ADAMTSL3: variants seen among roughly 807,000 people sequenced by gnomAD.
ADAMTSL3 encodes ADAMTS-like protein 3.
Under a neutral mutation model 201.7 loss-of-function variants are expected in ADAMTSL3, and 128 were observed. The ratio of observed to expected loss-of-function variants is 0.63; its 90% CI spans 0.55 to 0.73. The LOEUF is 0.73. Among genes scored for constraint, ADAMTSL3 ranks in the 30% least tolerant of loss-of-function variants. ADAMTSL3 has a pLI of 0.00. For synonymous variants in ADAMTSL3, 738 were observed against 748.4 expected (o/e 0.99, Z 0.23); for missense variants, 1,990 against 2,119.6 (o/e 0.94, Z 1.20).
In ADAMTSL3 at chr15:84,025,348, C is replaced by A; in HGVS notation, c.4568C>A (p.Ser1523Tyr). Reference protein sequence around the residue: ...TKANGTVQVVSPRACAPKDRP... With the variant: ...TKANGTVQVVYPRACAPKDRP... ...GCCAATGGAACTGTGCAGGTGGTGT[C>A]TCCAAGAGCATGTGCCCCTAAAGAC... Residue 1523 changes from serine (S) to tyrosine (Y), a missense_variant, in exon 27 of 30, where the codon TCT becomes TAT. Coordinates refer to ENST00000286744, the MANE Select transcript of ADAMTSL3 (RefSeq NM_207517.3). 6.2e-7 allele frequency: 1 copy of A among 1,614,150 alleles called. No individual in the cohort carries two copies. The highest frequency in any genetic ancestry group is 8.5e-7 in the Non-Finnish European group (1 of 1,180,028).
rs2063021361 is a variant in ADAMTSL3, at chr15:83,773,546, T to G, written c.213T>G (p.Asp71Glu). The change falls in exon 4 of 30, where the codon GAT becomes GAG. Residue 71 changes from aspartate to glutamate, a missense_variant. Physicochemically the swap from Asp to Glu is conservative, Grantham distance 45. Transcript: ENST00000286744. The stretch of plus-strand genomic sequence containing the variant: ...AGACCTCAAGAAACACTCGTTCAGA[T>G]GAAGACAAAGATGGCAACTGGGATG... ...DDQTSRNTRS[D>E]EDKDGNWDAW... 3.7e-6 allele frequency: 6 copies of G among 1,614,020 alleles called. No homozygotes were observed. The East Asian group carries it at 1.3e-4, about 36-fold the overall frequency.
At chr15:83,922,599 T>C (rs1386903341) in intron 16 of ADAMTSL3, among the ~76,000 whole-genome samples, 1 of 152,234 alleles carries the variant, frequency 6.6e-6, no homozygotes, top group Admixed American at 6.5e-5. Flanking sequence ...TGCCTTCTTA[T>C]ATCTCACGTT....
intron 4 of ADAMTSL3, among the ~76,000 whole-genome samples, chr15:83,804,142 C>CA (rs34434157): frequency 2.9e-4 from 43 of 147,836 alleles, no homozygotes; most frequent in East Asian, 1.2e-3. Flanking sequence ...GACTCTGTCT[C>CA]AAAAAAAAAA....
chr15:83,840,462 G>A (rs1428415054), intron 7 of ADAMTSL3, among the ~76,000 whole-genome samples: 3 of 152,200 alleles, frequency 2.0e-5, no homozygotes, highest in African/African-American at 7.2e-5. Context: ...GACAAGAGGA[G>A]GGGAACAGAC....
chr15:83,917,975 A>G (rs1279566035), intron 16 of ADAMTSL3, among the ~76,000 whole-genome samples: 1 of 152,200 alleles, frequency 6.6e-6, no homozygotes, highest in African/African-American at 2.4e-5. Context: ...TTCCTCTTAT[A>G]TTGGAATGCT....
chr15:83,743,489 C>T (rs1051195603), intron 3 of ADAMTSL3, among the ~76,000 whole-genome samples: 26 of 136,982 alleles, frequency 1.9e-4, no homozygotes, highest in African/African-American at 6.7e-4. Context: ...GTCCGCAGTC[C>T]GGCCTGGGAG....
At chr15:83,802,595 C>T (rs996969352) in intron 4 of ADAMTSL3, among the ~76,000 whole-genome samples, 2 of 152,328 alleles carry the variant, frequency 1.3e-5, no homozygotes, top group South Asian at 2.1e-4. Context: ...GAGTCAGTCT[C>T]AAAAAGCTAC....
intron 17 of ADAMTSL3, among the ~76,000 whole-genome samples, chr15:83,924,457 C>T (rs1452758838): frequency 6.6e-6 from 1 of 152,142 alleles, no homozygotes; most frequent in African/African-American, 2.4e-5. Context: ...GTGTAATCTC[C>T]TGTTTGATAT....
At chr15:83,931,255 G>C (rs1462546135) in intron 17 of ADAMTSL3, among the ~76,000 whole-genome samples, 1 of 152,178 alleles carries the variant, frequency 6.6e-6, no homozygotes. Flanking sequence ...ATGTGTTTCT[G>C]TACCAGCTTG....
intron 4 of ADAMTSL3, among the ~76,000 whole-genome samples, chr15:83,774,551 C>T (rs2063039472): frequency 6.6e-6 from 1 of 152,172 alleles, no homozygotes; most frequent in Non-Finnish European, 1.5e-5. Context: ...CGGTCTGCTC[C>T]AGGAAGGCCT....
chr15:83,884,771 A>T (rs1221659057), intron 9 of ADAMTSL3, among the ~76,000 whole-genome samples: 2 of 152,196 alleles, frequency 1.3e-5, no homozygotes, highest in African/African-American at 4.8e-5. Context: ...TGTGTCGTCA[A>T]AATTAAAATC....
chr15:83,899,638 T>G lies in ADAMTSL3; in HGVS notation c.1616-9T>G. 1 of 1,609,102 alleles carries G rather than the reference T, an allele frequency of 6.2e-7. No individual in the cohort carries two copies. Among genetic ancestry groups the G allele is most frequent in the Non-Finnish European group, 8.5e-7 (1 of 1,177,084 alleles). On this transcript the variant is annotated splice_polypyrimidine_tract_variant and intron_variant, in intron 14 of 29. Transcript: ENST00000286744. ...ATTAGGCTCATTGTTTATGTTCTCT[T>G]TTTCTTAGAAAAAAGTCCAGTGGAA...
chr15:83,736,293 A>G (rs2062368467), intron 3 of ADAMTSL3, among the ~76,000 whole-genome samples: 1 of 152,260 alleles, frequency 6.6e-6, no homozygotes, highest in Non-Finnish European at 1.5e-5. Flanking sequence ...CAAAGAAAAT[A>G]AAATATTAGG....
chr15:83,806,266 A>G (rs1319605019), intron 5 of ADAMTSL3, among the ~76,000 whole-genome samples: 3 of 152,204 alleles, frequency 2.0e-5, no homozygotes, highest in African/African-American at 4.8e-5. Flanking sequence ...ACAGTTGTGC[A>G]TGTACCTCCA....
intron 6 of ADAMTSL3, among the ~76,000 whole-genome samples, chr15:83,834,269 T>G (rs1352790263): frequency 6.6e-6 from 1 of 152,170 alleles, no homozygotes; most frequent in African/African-American, 2.4e-5. Context: ...GATCAATCAC[T>G]TAGACTCATA....
At chr15:83,673,591 G>A (rs2061355796) in intron 2 of ADAMTSL3, among the ~76,000 whole-genome samples, 1 of 152,128 alleles carries the variant, frequency 6.6e-6, no homozygotes, top group South Asian at 2.1e-4. Context: ...CTGGGGTAGT[G>A]TCCTAGATGT....
At chr15:83,822,695 C>G (rs1457328549) in intron 6 of ADAMTSL3, among the ~76,000 whole-genome samples, 2 of 150,860 alleles carry the variant, frequency 1.3e-5, no homozygotes, top group Non-Finnish European at 3.0e-5. Context: ...GGCAGAGACG[C>G]TCCTCACTTT....
intron 3 of ADAMTSL3, among the ~76,000 whole-genome samples, chr15:83,725,267 TC>T (rs2062156886): frequency 6.6e-6 from 1 of 152,192 alleles, no homozygotes; most frequent in African/African-American, 2.4e-5. Flanking sequence ...TGAGATGATA[TC>T]TCATTGTAGT....
intron 4 of ADAMTSL3, among the ~76,000 whole-genome samples, chr15:83,795,552 A>G (rs1157874178): frequency 6.6e-6 from 1 of 152,188 alleles, no homozygotes. Flanking sequence ...CCAGACACTT[A>G]ACAGAAGGAC....
Sources: gnomAD v4.1 joint callset for allele counts (sites outside exome capture counted in the v4.1 genomes callset) on GRCh38, gnomAD v4.1.1 for gene constraint, MANE v1.5 for transcripts, NCBI Gene and HGNC (gene_info 2026-07-23, HGNC 2026-07-21) for gene names.